The following GLDN variants were observed in gnomAD, a reference collection of about 807,000 sequenced individuals.
GLDN encodes collomin.
In GLDN, 47 loss-of-function variants were observed where a neutral mutation model predicts 56.5. That is an observed-to-expected ratio of 0.83 (90% CI 0.66 to 1.06). The LOEUF is 1.06. Ranked by LOEUF, GLDN falls within the 50% of genes least tolerant of loss-of-function variation. The pLI, the probability that GLDN is intolerant of heterozygous loss-of-function variation, is 0.00. For synonymous variants in GLDN, 332 were observed against 278.8 expected (o/e 1.19, Z -1.90); for missense variants, 782 against 714.3 (o/e 1.09, Z -1.08).
At chr15:51,386,774 C>T (rs1458305714) in intron 4 of GLDN, among the ~76,000 whole-genome samples, 1 of 152,100 alleles carries the variant, frequency 6.6e-6, no homozygotes, top group Non-Finnish European at 1.5e-5. Flanking sequence ...ACAGTGGATA[C>T]AGGGAGTTGG....
rs139846242 is a variant in GLDN, at chr15:51,369,858, A to G, written c.364-7591A>G. ...AAAAAAGTAGCAGTAGCTCACGTCT[A>G]TAATCCCAGCATTTTGGGAGGCCGA... On this transcript the variant is annotated intron_variant, in intron 1 of 9. Coordinates refer to ENST00000335449, the MANE Select transcript of GLDN (RefSeq NM_181789.4). Among the ~76,000 whole-genome samples the G allele has an allele frequency of 4.0e-3, 613 of 152,344 alleles. 6 individuals are homozygous for G. The highest frequency in any genetic ancestry group is 0.014 in the African/African-American group (594 of 41,578).
In GLDN at chr15:51,404,767, G is replaced by T; in HGVS notation, c.*13G>T. 1 of 1,394,838 alleles carries T rather than the reference G, an allele frequency of 7.2e-7. No individual in the cohort carries two copies. Among genetic ancestry groups the T allele is most frequent in the South Asian group, 1.2e-5 (1 of 81,338 alleles). 86.4% of individuals were successfully genotyped at this position (1,394,838 alleles called of 1,614,324 possible). A position where few individuals can be genotyped will look rare whatever the true frequency, so the allele number is the denominator to read the frequency against. ...CTTAAATCAGTGATGTGCTGCATTC[G>T]GCTCCCTTCAGCAAATTTCAGGGGT... On this transcript the variant is annotated 3_prime_UTR_variant, in exon 10 of 10. Coordinates refer to ENST00000335449, the MANE Select transcript of GLDN (RefSeq NM_181789.4).
chr15:51,362,279 G>T (rs914962690), intron 1 of GLDN, among the ~76,000 whole-genome samples: 14 of 152,156 alleles, frequency 9.2e-5, no homozygotes, highest in Non-Finnish European at 1.8e-4. Flanking sequence ...GAGGTCAGGA[G>T]TTCGAGACCA....
intron 1 of GLDN, among the ~76,000 whole-genome samples, chr15:51,365,797 T>C (rs1045761543): frequency 1.3e-5 from 2 of 152,174 alleles, no homozygotes; most frequent in African/African-American, 4.8e-5. Context: ...TTCTTCTGCT[T>C]TTATGTATAG....
At chr15:51,343,751 A>C (rs2036928121) in intron 1 of GLDN, among the ~76,000 whole-genome samples, 1 of 152,174 alleles carries the variant, frequency 6.6e-6, no homozygotes, top group African/African-American at 2.4e-5. Flanking sequence ...GGAGAAGGCA[A>C]TCATCTTACT....
At chr15:51,394,402 C>T (rs1302309323) in intron 4 of GLDN, among the ~76,000 whole-genome samples, 1 of 152,140 alleles carries the variant, frequency 6.6e-6, no homozygotes, top group African/African-American at 2.4e-5. Context: ...CACCTGAGGT[C>T]AGGAGTTCAA....
chr15:51,401,517 T>C, intron 8 of GLDN, 76 bp from the exon 9 acceptor site: 1 of 1,390,122 alleles, frequency 7.2e-7, no homozygotes, highest in Non-Finnish European at 1.0e-6. Flanking sequence ...GCCTTTGAAA[T>C]TCCTCCCAAG....
At position 51,404,651 on chromosome 15, in the gene GLDN, C is replaced by T. The variant is rs1275776072; in HGVS notation, c.1553C>T (p.Ala518Val). The T allele has an allele frequency of 1.9e-6, 3 of 1,611,628 alleles. No homozygotes were observed. The African/African-American group carries it at 4.0e-5, about 21-fold the overall frequency. The change falls in exon 10 of 10, where the codon GCC (alanine) becomes GTC (valine). Residue 518 changes from alanine (A) to valine (V), a missense_variant. Physicochemically the swap from Ala to Val is moderately conservative, Grantham distance 64 (BLOSUM62 0). Coordinates refer to ENST00000335449, the MANE Select transcript of GLDN (RefSeq NM_181789.4). ...TTAAGAACTTCCCAGTCTGTTCTTG[C>T]CATGTTAGCATACAACATGAGAGAT... Reference protein sequence around the residue: ...FDLRTSQSVLAMLAYNMRDQH... With the variant: ...FDLRTSQSVLVMLAYNMRDQH...
rs74016725 is a variant in GLDN at position 51,353,130 on chromosome 15, T to C, written c.363+11083T>C. On this transcript the variant is annotated intron_variant, in intron 1 of 9. Coordinates refer to ENST00000335449, the MANE Select transcript of GLDN (RefSeq NM_181789.4). ...GCACCACCAACACCAATAAACTGGT[T>C]CATCTGTCTTGTGGCCCCCATCTAG... Among the ~76,000 whole-genome samples, 187 of 152,318 alleles carry C rather than the reference T, an allele frequency of 1.2e-3. 1 individual carries two copies. The highest frequency in any genetic ancestry group is 4.3e-3 in the African/African-American group (180 of 41,562).
intron 1 of GLDN, among the ~76,000 whole-genome samples, chr15:51,369,759 A>C (rs747589401): frequency 1.2e-4 from 19 of 152,234 alleles, no homozygotes; most frequent in Non-Finnish European, 2.5e-4. Flanking sequence ...TGTTTATATG[A>C]AAAGTACACT....
chr15:51,351,174 G>T, intron 1 of GLDN: 1 of 294,098 alleles, frequency 3.4e-6, no homozygotes, highest in South Asian at 3.9e-5. Context: ...TTGATAGCTA[G>T]CCTTCTCTTA....
rs1044630241 is a variant in GLDN at position 51,407,481 on chromosome 15, T to G, written c.*2727T>G. 1 of 152,236 alleles carries G rather than the reference T, an allele frequency of 6.6e-6. No homozygotes were observed. Among genetic ancestry groups the G allele is most frequent in the African/African-American group, 2.4e-5 (1 of 41,464 alleles). The allele number at this position is 152,236 out of a possible 1,614,324, so 9.4% of individuals were successfully genotyped here. On this transcript the variant is annotated 3_prime_UTR_variant, in exon 10 of 10. Coordinates refer to ENST00000335449, the MANE Select transcript of GLDN (RefSeq NM_181789.4). ...ATCAAACCAGATAATTCTCTAATTC[T>G]TCTTTAATCTAAAGTAGATAGCTTC...
chr15:51,357,561 C>A (rs1322961393), intron 1 of GLDN, among the ~76,000 whole-genome samples: 4 of 152,204 alleles, frequency 2.6e-5, no homozygotes, highest in Non-Finnish European at 5.9e-5. Context: ...TCTCTAACAA[C>A]CCCCAGCCCT....
At chr15:51,375,850 A>C (rs2037618932) in intron 1 of GLDN, among the ~76,000 whole-genome samples, 2 of 152,170 alleles carry the variant, frequency 1.3e-5, no homozygotes, top group Non-Finnish European at 2.9e-5. Flanking sequence ...CCCAGTTAAT[A>C]GGTGCTTCCT....
chr15:51,396,068 C>T (rs1420490868), intron 5 of GLDN, among the ~76,000 whole-genome samples: 2 of 152,206 alleles, frequency 1.3e-5, no homozygotes, highest in Non-Finnish European at 2.9e-5. Flanking sequence ...ACCTCCAACA[C>T]TGGGGATTAC....
chr15:51,373,479 C>A (rs929887604), intron 1 of GLDN, among the ~76,000 whole-genome samples: 4 of 152,196 alleles, frequency 2.6e-5, no homozygotes, highest in Non-Finnish European at 1.5e-5. Context: ...ACAGTGCAAA[C>A]CTGTATCATT....
intron 1 of GLDN, among the ~76,000 whole-genome samples, chr15:51,344,853 C>G (rs180953971): frequency 2.0e-5 from 3 of 152,276 alleles, no homozygotes; most frequent in Admixed American, 6.5e-5. Flanking sequence ...ACATTCTTAC[C>G]AGAACCTGGT....
chr15:51,352,238 C>CTCATTTTTATAAGGTTATTAA (rs2037090166), intron 1 of GLDN, among the ~76,000 whole-genome samples: 2 of 151,844 alleles, frequency 1.3e-5, no homozygotes, highest in Non-Finnish European at 2.9e-5. Context: ...TCTCTGGGGC[C>CTCATTTTTATAAGGTTATTAA]TCATTTTTAT....
chr15:51,377,363 A>G, intron 1 of GLDN, 86 bp from the exon 2 acceptor site: 1 of 1,169,924 alleles, frequency 8.5e-7, no homozygotes, highest in Non-Finnish European at 1.3e-6. Context: ...GTGACTTTTT[A>G]TGATTGCTTT....
Sources: allele counts gnomAD v4.1 joint callset (sites outside exome capture counted in the v4.1 genomes callset), GRCh38; gene constraint gnomAD v4.1.1; transcripts MANE v1.5; gene names NCBI Gene and HGNC (gene_info 2026-07-23, HGNC 2026-07-21).